Variants in TMEM181 observed in about 807,000 individuals in gnomAD.
TMEM181 encodes transmembrane protein 181.
In TMEM181, 39 loss-of-function variants were observed where a neutral mutation model predicts 71.9. That is an observed-to-expected ratio of 0.54 (90% confidence interval 0.42 to 0.71). TMEM181 has a LOEUF of 0.71. TMEM181 is among the 30% of genes least tolerant of loss of function. The pLI is 0.00. For missense variants in TMEM181, 595 were observed against 583.0 expected (o/e 1.02, Z -0.21); for synonymous variants, 245 against 228.8 (o/e 1.07, Z -0.64).
intron 1 of TMEM181, among the ~76,000 whole-genome samples, chr6:158,568,074 G>A (rs905637775): frequency 9.2e-5 from 14 of 152,064 alleles, no homozygotes; most frequent in African/African-American, 1.2e-4. Flanking sequence ...TGGGACTGGC[G>A]TGCTGGGGAT....
At chr6:158,594,409 T>C (rs1247373191) in intron 6 of TMEM181, among the ~76,000 whole-genome samples, 1 of 152,158 alleles carries the variant, frequency 6.6e-6, no homozygotes, top group East Asian at 1.9e-4. Context: ...ATGGTTTTGC[T>C]TTTTCCAGAA....
intron 6 of TMEM181, among the ~76,000 whole-genome samples, chr6:158,597,109 G>A (rs1784424722): frequency 6.6e-6 from 1 of 152,182 alleles, no homozygotes; most frequent in Non-Finnish European, 1.5e-5. Flanking sequence ...AGCCTGTCAT[G>A]TGGGCTGTGT....
chr6:158,589,562 G>A (rs934687959), intron 5 of TMEM181, 110 bp from the exon 6 acceptor site: 2 of 775,216 alleles, frequency 2.6e-6, no homozygotes, highest in African/African-American at 3.4e-5. Flanking sequence ...GAGTTCCCTG[G>A]AGACAATGAG....
intron 2 of TMEM181, among the ~76,000 whole-genome samples, chr6:158,580,656 T>C (rs547678288): frequency 3.9e-5 from 6 of 152,300 alleles, no homozygotes; most frequent in South Asian, 4.1e-4. Flanking sequence ...AGTGCTCTCA[T>C]TGAGAGCCTA....
Position 158,634,939 on chromosome 6 carries a change from T to A in TMEM181, c.*3051T>A, listed in dbSNP as rs1786866265. On this transcript the variant is annotated 3_prime_UTR_variant, in exon 17 of 17. Coordinates refer to ENST00000684151, the MANE Select transcript of TMEM181 (RefSeq NM_001376852.1). ...AATTAAAACGGATGTGTCTGAACAT[T>A]TAGTGAAGATGAGACTTAAAACATG... is the stretch of plus-strand genomic sequence containing the variant. 6.6e-6 allele frequency: 1 copy of A among 152,130 alleles called. No homozygotes were observed. Among genetic ancestry groups the A allele is most frequent in the Admixed American group, 6.5e-5 (1 of 15,278 alleles). The allele number at this position is 152,130 out of a possible 1,614,324, so 9.4% of individuals were successfully genotyped here.
At chr6:158,599,410 A>G (rs1205012551) in intron 6 of TMEM181, among the ~76,000 whole-genome samples, 1 of 152,250 alleles carries the variant, frequency 6.6e-6, no homozygotes, top group African/African-American at 2.4e-5. Context: ...GTAATGCCAA[A>G]GGGACCTTGA....
intron 13 of TMEM181, among the ~76,000 whole-genome samples, chr6:158,625,976 G>T (rs1320677555): frequency 2.0e-5 from 3 of 152,226 alleles, no homozygotes; most frequent in Non-Finnish European, 4.4e-5. Context: ...ACGTTCACTT[G>T]CACACTCGGC....
chr6:158,571,519 C>T (rs1295876007), intron 1 of TMEM181, among the ~76,000 whole-genome samples: 3 of 144,530 alleles, frequency 2.1e-5, no homozygotes, highest in Non-Finnish European at 4.6e-5. Flanking sequence ...AGGATGGTCT[C>T]AATCTCCTGA....
rs758712319 is a variant in TMEM181 at position 158,607,295 on chromosome 6, G to A, written c.625G>A (p.Glu209Lys). ...ATTTTCCATGAGAGACTGGGGCATC[G>A]AGCAGAAGTGGATGTCTGTTCTCCT... ...RKFSMRDWGIEQKWMSVLLPL... is the reference protein window; with the variant it reads ...RKFSMRDWGIKQKWMSVLLPL... The change falls in exon 8 of 17, where the codon GAG becomes AAG. Residue 209 changes from glutamate (E) to lysine (K), a missense_variant. Glu to Lys is a moderately conservative substitution (Grantham distance 56). Transcript: ENST00000684151. 9.3e-6 allele frequency: 15 copies of A among 1,614,050 alleles called. No homozygotes were observed. Among genetic ancestry groups the A allele is most frequent in the South Asian group, 3.3e-5 (3 of 91,084 alleles).
rs1275225984 is a variant in TMEM181 at position 158,635,395 on chromosome 6, C to G, written c.*3507C>G. 1 of 152,188 alleles carries G rather than the reference C, an allele frequency of 6.6e-6. No individual in the cohort carries two copies. Among genetic ancestry groups the G allele is most frequent in the Non-Finnish European group, 1.5e-5 (1 of 68,032 alleles). The allele number at this position is 152,188 out of a possible 1,614,324, so 9.4% of individuals were successfully genotyped here. A position where few individuals can be genotyped will look rare whatever the true frequency, so the allele number is the denominator to read the frequency against. ...GCGAATGGCTTAATTCTGACACTAC[C>G]TTTCTGGGAAATGTTAATAAATTTT... On this transcript the variant is annotated 3_prime_UTR_variant, in exon 17 of 17. Transcript: ENST00000684151.
chr6:158,628,394 T>C lies in TMEM181; in HGVS notation c.1110-14T>C. On this transcript the variant is annotated splice_polypyrimidine_tract_variant and intron_variant, in intron 13 of 16. Coordinates refer to ENST00000684151, the MANE Select transcript of TMEM181 (RefSeq NM_001376852.1). ...CATGTTTACATATTGTCTCTGCTCCTCTGTCTTGTTCAGCATCGCCATCCT... is the reference window on the plus strand; with the variant it reads ...CATGTTTACATATTGTCTCTGCTCCCCTGTCTTGTTCAGCATCGCCATCCT... 1.2e-6 allele frequency: 2 copies of C among 1,613,986 alleles called. No individual in the cohort carries two copies. Among genetic ancestry groups the C allele is most frequent in the East Asian group, 4.5e-5 (2 of 44,890 alleles).
At chr6:158,598,272 C>T (rs983958036) in intron 6 of TMEM181, among the ~76,000 whole-genome samples, 3 of 152,166 alleles carry the variant, frequency 2.0e-5, no homozygotes, top group African/African-American at 4.8e-5. Context: ...GGTTATTCTG[C>T]GCATTTTTTC....
At chr6:158,605,401 G>A in intron 7 of TMEM181, 54 bp downstream of exon 7, 1 of 1,533,880 alleles carries the variant, frequency 6.5e-7, no homozygotes, top group Admixed American at 1.7e-5. Flanking sequence ...GAAGAAGCTG[G>A]TTTATGCAGT....
intron 10 of TMEM181, among the ~76,000 whole-genome samples, chr6:158,615,854 T>G (rs1045586662): frequency 2.0e-5 from 3 of 152,256 alleles, no homozygotes; most frequent in Non-Finnish European, 4.4e-5. Context: ...ATCTCTGTTT[T>G]GTTACCAGTA....
At chr6:158,586,760 G>A (rs1050753346) in intron 5 of TMEM181, among the ~76,000 whole-genome samples, 1 of 152,160 alleles carries the variant, frequency 6.6e-6, no homozygotes, top group Admixed American at 6.6e-5. Context: ...TGCTTCCAGG[G>A]GATGAGTCAG....
exon 1 of TMEM181, chr6:158,536,656 G>T: frequency 6.7e-7 from 1 of 1,500,074 alleles, no homozygotes. Flanking sequence ...CCGATCCCCA[G>T]TGCTGGGAGA....
At position 158,536,657 on chromosome 6, in the gene TMEM181, T is replaced by A; in HGVS notation, c.-78T>A. ...AGCGCGCCAGCAGCCCGATCCCCAG[T>A]GCTGGGAGAAGAGAGGGGGCGCAGG... On this transcript the variant is annotated 5_prime_UTR_variant, in exon 1 of 17. Coordinates refer to the TMEM181 transcript ENST00000367090. The A allele has an allele frequency of 1.3e-6, 2 of 1,499,994 alleles. No individual in the cohort carries two copies. Among genetic ancestry groups the A allele is most frequent in the Non-Finnish European group, 1.8e-6 (2 of 1,124,902 alleles). 92.9% of individuals were successfully genotyped at this position (1,499,994 alleles called of 1,614,324 possible). A position where few individuals can be genotyped will look rare whatever the true frequency, so the allele number is the denominator to read the frequency against.
chr6:158,596,022 T>C (rs113138186), intron 6 of TMEM181, among the ~76,000 whole-genome samples: 36 of 152,164 alleles, frequency 2.4e-4, no homozygotes, highest in South Asian at 6.2e-4. Flanking sequence ...CCTGGGTTCA[T>C]GCCATCCTCC....
rs972150586 is a variant in TMEM181 at position 158,633,414 on chromosome 6, TAC to T, written c.*1528_*1529del. 25 of 152,368 alleles carry T rather than the reference TAC, an allele frequency of 1.6e-4. No individual in the cohort carries two copies. The highest frequency in any genetic ancestry group is 6.0e-4 in the African/African-American group (25 of 41,578). 9.4% of individuals were successfully genotyped at this position (152,368 alleles called of 1,614,324 possible). ...TCTCCCGTGCTTTCCTCTTGACCTCTACAGTCACACTTCTGTTAACATCTGGT... is the reference window on the plus strand; with the variant it reads ...TCTCCCGTGCTTTCCTCTTGACCTCTAGTCACACTTCTGTTAACATCTGGT... On this transcript the variant is annotated 3_prime_UTR_variant, in exon 17 of 17. Transcript: ENST00000684151.
Sources: gnomAD v4.1 joint callset for allele counts (sites outside exome capture counted in the v4.1 genomes callset) on GRCh38, gnomAD v4.1.1 for gene constraint, MANE v1.5 for transcripts, NCBI Gene and HGNC (gene_info 2026-07-23, HGNC 2026-07-21) for gene names.